NOX5: variants seen among roughly 807,000 people sequenced by gnomAD.
NOX5 encodes NADPH oxidase, EF-hand calcium binding domain 5.
NOX5 carries 76 observed loss-of-function variants against 85.7 expected under a neutral mutation model. The ratio of observed to expected loss-of-function variants is 0.89; its 90% CI spans 0.74 to 1.07. NOX5 has a LOEUF of 1.07. Ranked by LOEUF, NOX5 falls within the 50% of genes least tolerant of loss-of-function variation. The probability of loss-of-function intolerance (pLI) is 0.00; values close to 1 mark genes in which losing one functional copy is unlikely to be tolerated. For synonymous variants in NOX5, 405 were observed against 401.4 expected (o/e 1.01, Z -0.11); for missense variants, 973 against 999.5 (o/e 0.97, Z 0.36).
intron 9 of NOX5, among the ~76,000 whole-genome samples, chr15:69,040,093 C>A (rs2050574615): frequency 1.3e-5 from 2 of 152,208 alleles, no homozygotes; most frequent in Admixed American, 6.5e-5. Context: ...CCCAGCAGGA[C>A]CCCTGGCCCA....
In NOX5 at chr15:69,035,747, C is replaced by G. The variant is rs371005877; in HGVS notation, c.1010-11C>G. On this transcript the variant is annotated splice_polypyrimidine_tract_variant and intron_variant, in intron 6 of 15. Coordinates refer to ENST00000388866, the MANE Select transcript of NOX5 (RefSeq NM_024505.4). ...CTTGCAGTCACTCAACCTTTCTGAG[C>G]TTGTTTCCAGTACTCCAGGCTCAGG... 1 of 1,611,974 alleles carries G rather than the reference C, an allele frequency of 6.2e-7. No homozygotes were observed. Among genetic ancestry groups the G allele is most frequent in the Non-Finnish European group, 8.5e-7 (1 of 1,178,760 alleles).
In NOX5 at chr15:69,061,681, A is replaced by G. The variant is rs1188930982; in HGVS notation, c.*4985A>G. 2 of 152,154 alleles carry G rather than the reference A, an allele frequency of 1.3e-5. No individual in the cohort carries two copies. Among genetic ancestry groups the G allele is most frequent in the African/African-American group, 4.8e-5 (2 of 41,434 alleles). 9.4% of individuals were successfully genotyped at this position (152,154 alleles called of 1,614,324 possible). On this transcript the variant is annotated 3_prime_UTR_variant, in exon 16 of 16. Coordinates refer to ENST00000388866, the MANE Select transcript of NOX5 (RefSeq NM_024505.4). ...GCAGAAATGGCTGGAAAGAGACTTG[A>G]CTCTCAAGGAAGCTTCCAGCCTCCA... is the stretch of plus-strand genomic sequence containing the variant.
At chr15:69,044,815 C>T (rs1216463775) in intron 10 of NOX5, among the ~76,000 whole-genome samples, 1 of 152,168 alleles carries the variant, frequency 6.6e-6, no homozygotes, top group Non-Finnish European at 1.5e-5. Flanking sequence ...CTAACATTAT[C>T]GATTTGTGAT....
Position 69,047,121 on chromosome 15 carries a change from T to C in NOX5, c.1692+255T>C, listed in dbSNP as rs1324053139. On this transcript the variant is annotated intron_variant, in intron 11 of 15. Coordinates refer to ENST00000388866, the MANE Select transcript of NOX5 (RefSeq NM_024505.4). ...TGGGTGTACAGTGTATAGGCCTACG[T>C]GCTCTCCATCCCTGTCTCCTGGGCA... 2.6e-5 allele frequency: 15 copies of C among 567,334 alleles called. No individual in the cohort carries two copies. In the East Asian group the frequency reaches 4.2e-4, roughly 16 times the overall value. The allele number at this position is 567,334 out of a possible 1,614,324, so 35.1% of individuals were successfully genotyped here.
chr15:69,015,808 GA>G (rs1318033041), intron 1 of NOX5, among the ~76,000 whole-genome samples: 1 of 151,908 alleles, frequency 6.6e-6, no homozygotes, highest in Admixed American at 6.6e-5. Context: ...GGGGGGCAGT[GA>G]TGGGAAGGCG....
intron 10 of NOX5, among the ~76,000 whole-genome samples, chr15:69,044,140 C>T (rs912197033): frequency 1.3e-5 from 2 of 151,386 alleles, no homozygotes; most frequent in Non-Finnish European, 2.9e-5. Context: ...GTCGAGATTA[C>T]ACCACTGTAC....
intron 14 of NOX5, 47 bp from the exon 15 acceptor site, chr15:69,055,287 T>G (rs1210025920): frequency 6.3e-7 from 1 of 1,584,360 alleles, no homozygotes; most frequent in African/African-American, 1.3e-5. Flanking sequence ...CCTGCGCCCA[T>G]GATGGGTACT....
At position 69,062,514 on chromosome 15, in the gene NOX5, C is replaced by A; in HGVS notation, c.*5818C>A. 6.6e-6 allele frequency: 1 copy of A among 152,326 alleles called. No individual in the cohort carries two copies. The highest frequency in any genetic ancestry group is 1.5e-5 in the Non-Finnish European group (1 of 68,040). The allele number at this position is 152,326 out of a possible 1,614,324, so 9.4% of individuals were successfully genotyped here. On this transcript the variant is annotated 3_prime_UTR_variant, in exon 16 of 16. Transcript: ENST00000388866. ...GCCAGTATTACCTGGCCCTTGCCTACCTCTCAGGTCTTGGCAATGTCCACC... is the reference window on the plus strand; with the variant it reads ...GCCAGTATTACCTGGCCCTTGCCTAACTCTCAGGTCTTGGCAATGTCCACC...
intron 9 of NOX5, among the ~76,000 whole-genome samples, chr15:69,039,369 C>T (rs1391785409): frequency 8.1e-6 from 1 of 123,334 alleles, no homozygotes; most frequent in Non-Finnish European, 1.7e-5. Flanking sequence ...GTAACTAGAG[C>T]TATGGGGGGT....
In NOX5 at chr15:69,031,570, C is replaced by T. The variant is rs368928363; in HGVS notation, c.378C>T (p.Gly126=). 15 of 1,612,352 alleles carry T rather than the reference C, an allele frequency of 9.3e-6. No individual in the cohort carries two copies. Among genetic ancestry groups the T allele is most frequent in the Non-Finnish European group, 1.3e-5 (15 of 1,180,020 alleles). ...SAGTEWGAGA[G]PHWASSPLGT... ...GTACAGAGTGGGGTGCTGGGGCAGG[C>T]CCGCACTGGGCTTCATCCCCACTCG... is the stretch of plus-strand genomic sequence containing the variant. Residue 126 remains glycine, a synonymous_variant, in exon 4 of 16, where the codon GGC becomes GGT. Transcript: ENST00000388866.
At position 69,061,984 on chromosome 15, in the gene NOX5, T is replaced by C. The variant is rs977992420; in HGVS notation, c.*5288T>C. The stretch of plus-strand genomic sequence containing the variant: ...CTAAAGAATGTTCAAGAACAGTGAA[T>C]GATTTGTCTCTGTGTCCCCAGTGAC... On this transcript the variant is annotated 3_prime_UTR_variant, in exon 16 of 16. Transcript: ENST00000388866. 1 of 152,194 alleles carries C rather than the reference T, an allele frequency of 6.6e-6. No homozygotes were observed. Among genetic ancestry groups the C allele is most frequent in the African/African-American group, 2.4e-5 (1 of 41,460 alleles). 9.4% of individuals were successfully genotyped at this position (152,194 alleles called of 1,614,324 possible). A position where few individuals can be genotyped will look rare whatever the true frequency, so the allele number is the denominator to read the frequency against.
intron 3 of NOX5, chr15:69,029,307 G>T (rs1326499681): frequency 6.6e-6 from 1 of 152,182 alleles, no homozygotes; most frequent in Non-Finnish European, 1.5e-5. Flanking sequence ...AGCTTCATCT[G>T]TGTCATAGCA....
chr15:69,033,687 TC>T (rs2050472570), intron 5 of NOX5, among the ~76,000 whole-genome samples: 1 of 149,890 alleles, frequency 6.7e-6, no homozygotes, highest in African/African-American at 2.5e-5. Context: ...TTTTTTTTTT[TC>T]TTTCTTTTTT....
intron 3 of NOX5, chr15:69,029,079 C>T (rs1302264947): frequency 6.6e-6 from 1 of 152,134 alleles, no homozygotes; most frequent in East Asian, 1.9e-4. Context: ...GCCACCATCA[C>T]CACCCTCCAT....
chr15:69,022,723 G>C (rs149670304), intron 1 of NOX5: 78 of 200,988 alleles, frequency 3.9e-4, no homozygotes, highest in African/African-American at 1.8e-3. Flanking sequence ...CAAGAGTTAG[G>C]TCTGGATAAA....
At position 69,038,917 on chromosome 15, in the gene NOX5, T is replaced by A; in HGVS notation, c.1432T>A (p.Tyr478Asn). The A allele has an allele frequency of 6.2e-7, 1 of 1,614,144 alleles. No individual in the cohort carries two copies. The highest frequency in any genetic ancestry group is 2.2e-5 in the East Asian group (1 of 44,882). ...TCACTATAGACCTGGTGACTACTTG[T>A]ATCTGAACATCCCCACCATTGCTCG... The part of the protein sequence containing the change: ...FFHYRPGDYL[Y>N]LNIPTIARYE... The change falls in exon 9 of 16, where the codon TAT (tyrosine) becomes AAT (asparagine). Residue 478 changes from tyrosine (Y) to asparagine (N), a missense_variant. Coordinates refer to ENST00000388866, the MANE Select transcript of NOX5 (RefSeq NM_024505.4).
intron 5 of NOX5, among the ~76,000 whole-genome samples, chr15:69,034,590 G>A (rs534010873): frequency 1.3e-5 from 2 of 152,248 alleles, no homozygotes; most frequent in South Asian, 2.1e-4. Context: ...CCACATCCTT[G>A]GCAAACATAA....
At chr15:69,023,398 A>T (rs956594846) in intron 1 of NOX5, 3 of 359,752 alleles carry the variant, frequency 8.3e-6, no homozygotes, top group Middle Eastern at 4.6e-4. Flanking sequence ...AGGCCTCTAT[A>T]GCTCAGGTAA....
chr15:69,048,911 G>A, intron 13 of NOX5, 48 bp from the exon 14 acceptor site: 5 of 1,434,954 alleles, frequency 3.5e-6, no homozygotes, highest in African/African-American at 1.4e-5. Context: ...TGAGCCTCCT[G>A]CAAATCAGGG....
Sources: allele counts gnomAD v4.1 joint callset (sites outside exome capture counted in the v4.1 genomes callset), GRCh38; gene constraint gnomAD v4.1.1; transcripts MANE v1.5; gene names NCBI Gene and HGNC (gene_info 2026-07-23, HGNC 2026-07-21).